Variants in RABGAP1 observed in about 807,000 individuals in gnomAD.
The protein encoded by RABGAP1 is rab GTPase-activating protein 1.
RABGAP1 carries 23 observed loss-of-function variants against 137.6 expected under a neutral mutation model. That is an observed-to-expected ratio of 0.17 (90% CI 0.12 to 0.24). The LOEUF is 0.24. Ranked by LOEUF, RABGAP1 falls within the 10% of genes least tolerant of loss-of-function variation. RABGAP1 has a pLI of 1.00. For missense variants in RABGAP1, 906 were observed against 1,275.8 expected (o/e 0.71, Z 4.42); for synonymous variants, 451 against 450.7 (o/e 1.00, Z -0.01).
At position 123,104,636 on chromosome 9, in the gene RABGAP1, T is replaced by A. The variant is rs2035447345; in HGVS notation, c.*1423T>A. ...TATCTGTAATAAGGGAGGTAACAAG[T>A]GGCAACCCCCTCCCCACCAACCATC... On this transcript the variant is annotated 3_prime_UTR_variant, in exon 26 of 26. Coordinates refer to ENST00000373647, the MANE Select transcript of RABGAP1 (RefSeq NM_012197.4). 2.0e-5 allele frequency: 3 copies of A among 152,436 alleles called. No homozygotes were observed. The allele number at this position is 152,436 out of a possible 1,614,324, so 9.4% of individuals were successfully genotyped here.
chr9:123,068,752 T>A (rs1363031818), intron 14 of RABGAP1, among the ~76,000 whole-genome samples: 1 of 152,214 alleles, frequency 6.6e-6, no homozygotes, highest in Admixed American at 6.5e-5. Context: ...AATTTATTAA[T>A]GCGTGATCAT....
At chr9:123,079,688 G>C (rs2034648006) in intron 19 of RABGAP1, among the ~76,000 whole-genome samples, 1 of 151,956 alleles carries the variant, frequency 6.6e-6, no homozygotes, top group South Asian at 2.1e-4. Flanking sequence ...TGGCCTCCTT[G>C]CTGTTCTCAG....
At chr9:122,993,424 G>A (rs10985852) in intron 6 of RABGAP1, among the ~76,000 whole-genome samples, 3,461 of 152,046 alleles carry the variant, frequency 0.023, 142 homozygotes, top group East Asian at 0.19. Context: ...GGTGCCCACC[G>A]CCACGCCTGG....
At chr9:122,935,711 T>A in the RABGAP1 span, among the ~76,000 whole-genome samples, 1 of 152,218 alleles carries the variant, frequency 6.6e-6, no homozygotes, top group South Asian at 2.1e-4. Context: ...AAATCATAAT[T>A]ATAATAATTG....
At position 122,990,325 on chromosome 9, in the gene RABGAP1, A is replaced by T. The variant is rs563041651; in HGVS notation, c.923+112A>T. 449 of 920,898 alleles carry T rather than the reference A, an allele frequency of 4.9e-4. 2 individuals are homozygous for T. In the African/African-American group the frequency reaches 6.6e-3, roughly 14 times the overall value. 57.0% of individuals were successfully genotyped at this position (920,898 alleles called of 1,614,324 possible). A position where few individuals can be genotyped will look rare whatever the true frequency, so the allele number is the denominator to read the frequency against. Reference sequence around the variant, plus strand: ...GATGGCTTTTAAAGGGAGGGCTTTTAAAAAAAATCTGGATGATAAAGGCAT... The same window carrying T: ...GATGGCTTTTAAAGGGAGGGCTTTTTAAAAAAATCTGGATGATAAAGGCAT... On this transcript the variant is annotated intron_variant, in intron 6 of 25. Coordinates refer to ENST00000373647, the MANE Select transcript of RABGAP1 (RefSeq NM_012197.4).
intron 8 of RABGAP1, chr9:122,997,020 G>T (rs189308085): frequency 2.0e-5 from 12 of 591,208 alleles, no homozygotes; most frequent in Middle Eastern, 2.7e-4. Context: ...TTGGATTTAG[G>T]TTGTGGATTT....
At chr9:123,017,473 G>GTTCA (rs2031317874) in intron 12 of RABGAP1, among the ~76,000 whole-genome samples, 1 of 151,948 alleles carries the variant, frequency 6.6e-6, no homozygotes, top group East Asian at 1.9e-4. Context: ...CTCTTCTTTA[G>GTTCA]TTCATTACAT....
chr9:123,039,217 G>C (rs1049254315), intron 13 of RABGAP1, among the ~76,000 whole-genome samples: 12 of 152,116 alleles, frequency 7.9e-5, no homozygotes, highest in Non-Finnish European at 1.5e-4. Context: ...TCCCAGACTT[G>C]AGAAGAGAAG....
At chr9:122,942,883 T>C (rs1833679774) in intron 1 of RABGAP1, among the ~76,000 whole-genome samples, 1 of 152,070 alleles carries the variant, frequency 6.6e-6, no homozygotes, top group Non-Finnish European at 1.5e-5. Context: ...AGGTGATTCA[T>C]GCTTGTAATC....
At chr9:123,072,657 C>T (rs951176169) in intron 15 of RABGAP1, among the ~76,000 whole-genome samples, 1 of 152,202 alleles carries the variant, frequency 6.6e-6, no homozygotes, top group African/African-American at 2.4e-5. Flanking sequence ...ACAAAGACTT[C>T]AAAGATCTGG....
At chr9:123,025,094 G>A (rs903223459) in intron 13 of RABGAP1, among the ~76,000 whole-genome samples, 1 of 151,934 alleles carries the variant, frequency 6.6e-6, no homozygotes, top group African/African-American at 2.4e-5. Flanking sequence ...ATTTATTTTT[G>A]TATGTGGCAT....
chr9:122,948,766 T>C (rs536397226), intron 1 of RABGAP1, among the ~76,000 whole-genome samples: 1 of 152,310 alleles, frequency 6.6e-6, no homozygotes, highest in African/African-American at 2.4e-5. Flanking sequence ...AGTTGGGGAT[T>C]TGATGAAGAG....
In RABGAP1 at chr9:122,943,477, A is replaced by G. The variant is rs535791564; in HGVS notation, c.-50+2384A>G. Among the ~76,000 whole-genome samples, 12 of 152,276 alleles carry G rather than the reference A, an allele frequency of 7.9e-5. No homozygotes were observed. In the South Asian group the frequency reaches 2.5e-3, roughly 32 times the overall value. On this transcript the variant is annotated intron_variant, in intron 1 of 25. Transcript: ENST00000373647. ...ACCTATCAGCTATGTGCATTTTGGC[A>G]TTTTTGGCATAGTATTTTGTTTGCA...
At chr9:123,073,037 A>C (rs910035177) in intron 15 of RABGAP1, among the ~76,000 whole-genome samples, 2 of 152,358 alleles carry the variant, frequency 1.3e-5, no homozygotes, top group Admixed American at 1.3e-4. Flanking sequence ...TAGAATATGT[A>C]AGGTTCTTCT....
intron 7 of RABGAP1, 130 bp from the exon 8 acceptor site, chr9:122,996,409 A>G (rs1837024413): frequency 9.0e-7 from 1 of 1,113,552 alleles, no homozygotes; most frequent in Non-Finnish European, 1.3e-6. Flanking sequence ...TATTTTAGCA[A>G]CACAAATTTA....
At chr9:123,079,917 G>T (rs1001973494) in intron 19 of RABGAP1, among the ~76,000 whole-genome samples, 2 of 152,008 alleles carry the variant, frequency 1.3e-5, no homozygotes, top group African/African-American at 4.8e-5. Context: ...CAATCTCTTT[G>T]GCTTACTGCT....
At chr9:122,960,036 A>G (rs373717418) in intron 2 of RABGAP1, among the ~76,000 whole-genome samples, 11 of 152,334 alleles carry the variant, frequency 7.2e-5, no homozygotes, top group South Asian at 4.1e-4. Flanking sequence ...TGCACGACAG[A>G]GTATAGAAAA....
chr9:123,098,649 G>T (rs1225617294), intron 22 of RABGAP1, 66 bp from the exon 23 acceptor site: 11 of 1,412,570 alleles, frequency 7.8e-6, no homozygotes, highest in Middle Eastern at 1.8e-4. Flanking sequence ...AGCACTAAGC[G>T]GTTGGTGGCA....
chr9:122,956,439 A>G (rs938417246), intron 1 of RABGAP1, among the ~76,000 whole-genome samples: 63 of 152,324 alleles, frequency 4.1e-4, no homozygotes, highest in Admixed American at 1.8e-3. Flanking sequence ...TCACGAGGTC[A>G]GGAGATCAAG....
Sources: allele counts gnomAD v4.1 joint callset (sites outside exome capture counted in the v4.1 genomes callset), GRCh38; gene constraint gnomAD v4.1.1; transcripts MANE v1.5; gene names NCBI Gene and HGNC (gene_info 2026-07-23, HGNC 2026-07-21).